CFAP58: variants seen among roughly 807,000 people sequenced by gnomAD.
The protein encoded by CFAP58 is cilia and flagella associated protein 58.
CFAP58 carries 88 observed loss-of-function variants against 119.5 expected under a neutral mutation model. The observed-to-expected ratio is 0.74, with a 90% CI of 0.62 to 0.88. The LOEUF (loss-of-function observed/expected upper bound fraction) is 0.88. Among genes scored for constraint, CFAP58 ranks in the 40% least tolerant of loss-of-function variants. The pLI is 0.00. For missense variants in CFAP58, 990 were observed against 1,021.2 expected (o/e 0.97, Z 0.42); for synonymous variants, 365 against 366.3 (o/e 1.00, Z 0.04).
the CFAP58 span, among the ~76,000 whole-genome samples, chr10:104,340,240 A>G: frequency 2.0e-5 from 3 of 152,278 alleles, no homozygotes; most frequent in South Asian, 6.2e-4. Flanking sequence ...GTCCCACACA[A>G]AACTCCTTGC....
At chr10:104,431,878 G>A (rs912492820) in intron 15 of CFAP58, among the ~76,000 whole-genome samples, 2 of 151,938 alleles carry the variant, frequency 1.3e-5, no homozygotes, top group African/African-American at 2.4e-5. Flanking sequence ...CACACTCAAC[G>A]TTATATTTTT....
At chr10:104,443,859 A>C (rs2013075416) in intron 15 of CFAP58, among the ~76,000 whole-genome samples, 1 of 152,238 alleles carries the variant, frequency 6.6e-6, no homozygotes, top group African/African-American at 2.4e-5. Context: ...GGAAGCTAAT[A>C]CTGTAATTAA....
At position 104,368,521 on chromosome 10, in the gene CFAP58, G is replaced by T; in HGVS notation, c.891G>T (p.Gln297His). 1 of 1,613,966 alleles carries T rather than the reference G, an allele frequency of 6.2e-7. No individual in the cohort carries two copies. Among genetic ancestry groups the T allele is most frequent in the Non-Finnish European group, 8.5e-7 (1 of 1,179,890 alleles). The change falls in exon 6 of 18, where the codon CAG (glutamine) becomes CAT (histidine). Residue 297 changes from glutamine (Q) to histidine (H), a missense_variant. By Grantham distance (24) the Gln-to-His change is conservative. Transcript: ENST00000369704. The part of the protein sequence containing the change: ...ENEQHSLVCE[Q>H]LSQENQQKAL... ...AACAGCACAGTTTGGTCTGTGAGCA[G>T]CTATCCCAGGAAAACCAACAGAAGG...
intron 8 of CFAP58, among the ~76,000 whole-genome samples, chr10:104,379,179 T>A (rs2011731583): frequency 6.6e-6 from 1 of 151,886 alleles, no homozygotes; most frequent in Admixed American, 6.6e-5. Flanking sequence ...TATCCCCCGC[T>A]CCTCCCACCC....
chr10:104,345,005 G>A, the CFAP58 span, among the ~76,000 whole-genome samples: 16 of 151,796 alleles, frequency 1.1e-4, no homozygotes, highest in African/African-American at 3.2e-4. Flanking sequence ...AAAATTAGCC[G>A]GGCATGGTGG....
At chr10:104,382,508 G>T in intron 9 of CFAP58, 1 of 318,432 alleles carries the variant, frequency 3.1e-6, no homozygotes, top group Non-Finnish European at 5.9e-6. Flanking sequence ...CTCTCCCTGG[G>T]GCAGGGCTTC....
At chr10:104,438,144 C>T (rs2012964672) in intron 15 of CFAP58, among the ~76,000 whole-genome samples, 1 of 152,078 alleles carries the variant, frequency 6.6e-6, no homozygotes, top group Non-Finnish European at 1.5e-5. Context: ...GTTAACATGT[C>T]TGTATTAGTT....
At chr10:104,370,747 C>A in intron 6 of CFAP58, 148 bp from the exon 7 acceptor site, 1 of 606,300 alleles carries the variant, frequency 1.6e-6, no homozygotes. Context: ...CTCTCAAAAC[C>A]AAATTGTGTG....
intron 3 of CFAP58, among the ~76,000 whole-genome samples, chr10:104,362,965 G>C (rs2014691915): frequency 6.6e-6 from 1 of 152,178 alleles, no homozygotes; most frequent in African/African-American, 2.4e-5. Context: ...CTTTGTACAT[G>C]TTGCTTTCCA....
At chr10:104,397,494 T>C (rs867691043) in intron 11 of CFAP58, among the ~76,000 whole-genome samples, 5 of 152,220 alleles carry the variant, frequency 3.3e-5, no homozygotes, top group South Asian at 2.1e-4. Flanking sequence ...GGTGTAGAAT[T>C]AATGACTTTT....
At chr10:104,442,773 G>A (rs7087113) in intron 15 of CFAP58, among the ~76,000 whole-genome samples, 39,634 of 151,882 alleles carry the variant, frequency 0.26, 6,470 homozygotes, top group African/African-American at 0.46. Flanking sequence ...AGAGATCAAG[G>A]CAAAGTTGTA....
chr10:104,396,118 G>T (rs557523841), intron 11 of CFAP58, among the ~76,000 whole-genome samples: 1 of 152,306 alleles, frequency 6.6e-6, no homozygotes, highest in Admixed American at 6.5e-5. Context: ...TCCCAGGCTT[G>T]TTTCATCAGC....
chr10:104,447,913 C>T (rs1157385284), intron 16 of CFAP58, 96 bp downstream of exon 16: 2 of 1,400,990 alleles, frequency 1.4e-6, no homozygotes, highest in Admixed American at 5.1e-5. Flanking sequence ...ATGAGCCAGT[C>T]TCTCAATGCC....
At chr10:104,365,353 A>G (rs766358653) in intron 4 of CFAP58, among the ~76,000 whole-genome samples, 1 of 152,226 alleles carries the variant, frequency 6.6e-6, no homozygotes, top group Non-Finnish European at 1.5e-5. Flanking sequence ...TTCTTTGAAC[A>G]TGAGATAAGA....
At chr10:104,377,180 G>A (rs977132184) in intron 8 of CFAP58, among the ~76,000 whole-genome samples, 6 of 152,184 alleles carry the variant, frequency 3.9e-5, no homozygotes, top group Non-Finnish European at 7.4e-5. Context: ...CATTGCTGGT[G>A]TGCTATTTGG....
At chr10:104,441,005 A>AT (rs2013027964) in intron 15 of CFAP58, among the ~76,000 whole-genome samples, 1 of 152,040 alleles carries the variant, frequency 6.6e-6, no homozygotes, top group South Asian at 2.1e-4. Flanking sequence ...CTTACTGATT[A>AT]TTTTTTGGTG....
chr10:104,412,591 C>T (rs1188011386), intron 15 of CFAP58, among the ~76,000 whole-genome samples: 1 of 152,170 alleles, frequency 6.6e-6, no homozygotes, highest in Non-Finnish European at 1.5e-5. Context: ...TCTCTGTACT[C>T]ACAATAGAAT....
At chr10:104,449,617 G>GA (rs1294668804) in intron 16 of CFAP58, among the ~76,000 whole-genome samples, 1 of 152,202 alleles carries the variant, frequency 6.6e-6, no homozygotes, top group Non-Finnish European at 1.5e-5. Flanking sequence ...AGTTAGCAGT[G>GA]ATGGCAGGAT....
At chr10:104,374,453 GAAAAAAAAAAAAA>G (rs71022730) in intron 7 of CFAP58, among the ~76,000 whole-genome samples, 3 of 30,696 alleles carry the variant, frequency 9.8e-5, no homozygotes, top group East Asian at 1.9e-3. Context: ...CTTGTTTCAG[GAAAAAAAAAAAAA>G]AAAAAAAAAA....
Sources: allele counts gnomAD v4.1 joint callset (sites outside exome capture counted in the v4.1 genomes callset), GRCh38; gene constraint gnomAD v4.1.1; transcripts MANE v1.5; gene names NCBI Gene and HGNC (gene_info 2026-07-23, HGNC 2026-07-21).